FAM117B: variants seen among roughly 807,000 people sequenced by gnomAD.
FAM117B encodes family with sequence similarity 117 member B, also known as protein FAM117B.
A neutral mutation model predicts 52.8 loss-of-function variants in FAM117B; 22 were observed. The observed-to-expected ratio is 0.42, with a 90% CI of 0.30 to 0.59. The LOEUF (loss-of-function observed/expected upper bound fraction) is 0.59, where lower values mean the gene tolerates loss of function less well. Among genes scored for constraint, FAM117B ranks in the 20% least tolerant of loss-of-function variants. The probability of loss-of-function intolerance (pLI) is 0.22; values close to 1 mark genes in which losing one functional copy is unlikely to be tolerated. For missense variants in FAM117B, 678 were observed against 802.6 expected (o/e 0.84, Z 1.88); for synonymous variants, 309 against 324.1 (o/e 0.95, Z 0.50).
chr2:202,700,511 G>T (rs1281555846), intron 2 of FAM117B, among the ~76,000 whole-genome samples: 1 of 152,130 alleles, frequency 6.6e-6, no homozygotes, highest in Non-Finnish European at 1.5e-5. Context: ...AGGCGAGGAC[G>T]CTACAGAAGA....
intron 1 of FAM117B, among the ~76,000 whole-genome samples, chr2:202,662,772 A>G (rs938104391): frequency 3.3e-5 from 5 of 151,934 alleles, no homozygotes; most frequent in African/African-American, 1.2e-4. Context: ...TGAACCCGGG[A>G]GGCGTAGGTT....
chr2:202,659,426 C>T (rs1394332817), intron 1 of FAM117B, among the ~76,000 whole-genome samples: 1 of 151,988 alleles, frequency 6.6e-6, no homozygotes, highest in East Asian at 1.9e-4. Flanking sequence ...CCTCCTACCT[C>T]ATTCTCCTGA....
chr2:202,667,504 G>C (rs1232988654), intron 1 of FAM117B, among the ~76,000 whole-genome samples: 1 of 152,012 alleles, frequency 6.6e-6, no homozygotes, highest in Non-Finnish European at 1.5e-5. Flanking sequence ...GCGCGCGCAT[G>C]TGCTGTCTCT....
In FAM117B at chr2:202,757,247, C is replaced by G. The variant is rs374034774; in HGVS notation, c.1139C>G (p.Pro380Arg). Residue 380 changes from proline to arginine, a missense_variant, in exon 6 of 8, where the codon CCC becomes CGC. Pro to Arg is a moderately radical substitution (Grantham distance 103). Around this residue, in one of 3 missense-constraint regions of FAM117B, gnomAD observed 583 missense variants for 644.8 expected, o/e 0.90. Coordinates refer to ENST00000392238, the MANE Select transcript of FAM117B (RefSeq NM_173511.4). The stretch of plus-strand genomic sequence containing the variant: ...ATTCCAGATGGCCATCGTGCTCCAC[C>G]CCCCCTTGTACAGAGAAGTAGCAGC... ...QDIPDGHRAP[P>R]PLVQRSSSTR... is the part of the protein sequence containing the mutation. The G allele has an allele frequency of 1.2e-6, 2 of 1,613,920 alleles. No individual in the cohort carries two copies. Among genetic ancestry groups the G allele is most frequent in the African/African-American group, 1.3e-5 (1 of 74,876 alleles).
At position 202,717,487 on chromosome 2, in the gene FAM117B, G is replaced by A. The variant is rs140437764; in HGVS notation, c.754-7430G>A. Among the ~76,000 whole-genome samples, 426 of 152,198 alleles carry A rather than the reference G, an allele frequency of 2.8e-3. 3 individuals are homozygous for A. The highest frequency in any genetic ancestry group is 9.5e-3 in the African/African-American group (395 of 41,520). ...CCTGTCTCAAAAAAACAAATCATAG[G>A]TGTTGTAATCTAAGCTGTGTCTTTA... On this transcript the variant is annotated intron_variant, in intron 2 of 7. Transcript: ENST00000392238.
chr2:202,660,254 G>C (rs1179412951), intron 1 of FAM117B, among the ~76,000 whole-genome samples: 1 of 151,706 alleles, frequency 6.6e-6, no homozygotes. Context: ...TGTACATTTT[G>C]AATATTTTAC....
chr2:202,645,638 C>T (rs1352681181), intron 1 of FAM117B, among the ~76,000 whole-genome samples: 2 of 146,542 alleles, frequency 1.4e-5, no homozygotes, highest in Non-Finnish European at 3.0e-5. Flanking sequence ...GAGTCTCGCT[C>T]TGTCGCCCAG....
At chr2:202,764,976 A>T (rs1227129630) in intron 7 of FAM117B, among the ~76,000 whole-genome samples, 1 of 152,236 alleles carries the variant, frequency 6.6e-6, no homozygotes, top group Non-Finnish European at 1.5e-5. Context: ...AAAGACGGAC[A>T]TTGTATATCT....
chr2:202,663,771 A>G (rs1690164431), intron 1 of FAM117B, among the ~76,000 whole-genome samples: 1 of 152,024 alleles, frequency 6.6e-6, no homozygotes, highest in Admixed American at 6.6e-5. Flanking sequence ...TTTAGTGGAG[A>G]CGGGGTTTCA....
At chr2:202,662,557 T>C (rs1168458417) in intron 1 of FAM117B, among the ~76,000 whole-genome samples, 1 of 152,104 alleles carries the variant, frequency 6.6e-6, no homozygotes, top group African/African-American at 2.4e-5. Flanking sequence ...AAATGATAAA[T>C]GTTGGCTGGG....
At chr2:202,693,675 CAT>C (rs1402551577) in intron 1 of FAM117B, among the ~76,000 whole-genome samples, 3 of 152,152 alleles carry the variant, frequency 2.0e-5, no homozygotes, top group African/African-American at 4.8e-5. Context: ...CTTTTATAAA[CAT>C]GTGAGGACTT....
chr2:202,759,157 G>A, intron 6 of FAM117B, 76 bp from the exon 7 acceptor site: 1 of 1,536,024 alleles, frequency 6.5e-7, no homozygotes, highest in Non-Finnish European at 8.8e-7. Flanking sequence ...GTAGTTCATG[G>A]TGGGCTAGTC....
intron 1 of FAM117B, among the ~76,000 whole-genome samples, chr2:202,644,213 T>A (rs1689829201): frequency 6.6e-6 from 1 of 152,078 alleles, no homozygotes; most frequent in Admixed American, 6.6e-5. Context: ...AATGTTATTA[T>A]GACCATGTAA....
intron 1 of FAM117B, among the ~76,000 whole-genome samples, chr2:202,659,852 C>G (rs1284052255): frequency 6.6e-6 from 1 of 151,756 alleles, no homozygotes; most frequent in East Asian, 1.9e-4. Context: ...AACTCCTGAC[C>G]TCGTGATCCA....
At chr2:202,677,243 T>C (rs1274572510) in intron 1 of FAM117B, among the ~76,000 whole-genome samples, 1 of 152,066 alleles carries the variant, frequency 6.6e-6, no homozygotes, top group African/African-American at 2.4e-5. Flanking sequence ...AATTTTTGTA[T>C]TTTTAGTAGA....
intron 1 of FAM117B, among the ~76,000 whole-genome samples, chr2:202,646,539 A>G (rs1258148248): frequency 6.6e-6 from 1 of 152,098 alleles, no homozygotes; most frequent in Non-Finnish European, 1.5e-5. Context: ...GTTAATTTCT[A>G]TAGCGCAGAT....
intron 1 of FAM117B, among the ~76,000 whole-genome samples, chr2:202,688,058 G>A (rs576658789): frequency 2.6e-5 from 4 of 152,156 alleles, no homozygotes; most frequent in African/African-American, 9.6e-5. Context: ...TCTCATGTAA[G>A]TTTATCATTT....
rs1689654817 is a variant in FAM117B at position 202,635,141 on chromosome 2, A to G, written c.-47A>G. 2 of 1,249,612 alleles carry G rather than the reference A, an allele frequency of 1.6e-6. No individual in the cohort carries two copies. Among genetic ancestry groups the G allele is most frequent in the East Asian group, 6.3e-5 (2 of 31,736 alleles). The allele number at this position is 1,249,612 out of a possible 1,614,324, so 77.4% of individuals were successfully genotyped here. A position where few individuals can be genotyped will look rare whatever the true frequency, so the allele number is the denominator to read the frequency against. On this transcript the variant is annotated 5_prime_UTR_variant, in exon 1 of 8. Coordinates refer to ENST00000392238, the MANE Select transcript of FAM117B (RefSeq NM_173511.4). ...AGAATCCTCCCCCTGCAGCCCAACA[A>G]CAACAAAACCCCCCGTCTCGCCCAG...
intron 2 of FAM117B, among the ~76,000 whole-genome samples, chr2:202,723,728 A>G (rs1691187262): frequency 6.6e-6 from 1 of 152,198 alleles, no homozygotes; most frequent in Non-Finnish European, 1.5e-5. Flanking sequence ...ACAGGGAATA[A>G]TAGGCAAGTC....
Sources: gnomAD v4.1 joint callset for allele counts (sites outside exome capture counted in the v4.1 genomes callset) on GRCh38, gnomAD v4.1.1 for gene constraint, gnomAD v4.1.1 regional missense constraint, MANE v1.5 for transcripts, NCBI Gene and HGNC (gene_info 2026-07-23, HGNC 2026-07-21) for gene names.